Variants in PAAF1 observed in about 807,000 individuals in gnomAD.
PAAF1 encodes proteasomal ATPase-associated factor 1.
A neutral mutation model predicts 52.8 loss-of-function variants in PAAF1; 46 were observed. That is an observed-to-expected ratio of 0.87 (90% CI 0.69 to 1.11). The LOEUF is 1.11. PAAF1 is among the 50% of genes most tolerant of loss of function. The pLI is 0.00. For synonymous variants in PAAF1, 178 were observed against 172.8 expected (o/e 1.03, Z -0.24); for missense variants, 424 against 477.4 (o/e 0.89, Z 1.04).
intron 4 of PAAF1, among the ~76,000 whole-genome samples, chr11:73,892,912 G>A (rs1330488472): frequency 3.3e-5 from 5 of 152,110 alleles, no homozygotes; most frequent in African/African-American, 9.6e-5. Context: ...CGCCCACCTC[G>A]GCCTCCCAGA....
At chr11:73,887,555 C>A in intron 3 of PAAF1, 98 bp downstream of exon 3, 1 of 706,872 alleles carries the variant, frequency 1.4e-6, no homozygotes, top group African/African-American at 1.9e-5. Flanking sequence ...TGTATCTCCA[C>A]TTCATTTGTA....
At chr11:73,896,230 G>A (rs932296000) in intron 4 of PAAF1, among the ~76,000 whole-genome samples, 6 of 149,314 alleles carry the variant, frequency 4.0e-5, no homozygotes, top group Middle Eastern at 7.0e-3. Context: ...CCTATATATA[G>A]GTATATGTGG....
chr11:73,877,043 C>G lies in PAAF1; in HGVS notation c.22C>G (p.Gln8Glu), dbSNP rs757409908. 11 of 1,536,922 alleles carry G rather than the reference C, an allele frequency of 7.2e-6. No homozygotes were observed. In the South Asian group the frequency reaches 1.3e-4, roughly 19 times the overall value. Residue 8 changes from glutamine (Q) to glutamate (E), a missense_variant, in exon 1 of 12, where the codon CAG becomes GAG. Physicochemically the swap from Gln to Glu is conservative, Grantham distance 29. Coordinates refer to ENST00000310571, the MANE Select transcript of PAAF1 (RefSeq NM_025155.3). The stretch of plus-strand genomic sequence containing the variant: ...CGAGATGGCGGCGCCTTTGAGGATT[C>G]AGAGCGACTGGGCGCAAGCCCTCAG... MAAPLRI[Q>E]SDWAQALRKD... is the part of the protein sequence containing the mutation.
At chr11:73,898,839 A>G (rs1313878731) in intron 4 of PAAF1, among the ~76,000 whole-genome samples, 1 of 152,172 alleles carries the variant, frequency 6.6e-6, no homozygotes, top group Non-Finnish European at 1.5e-5. Context: ...AAACAAATAA[A>G]TAAATGCAAC....
At chr11:73,908,247 GTATATATATGTA>G (rs749442611) in intron 6 of PAAF1, among the ~76,000 whole-genome samples, 97 of 146,076 alleles carry the variant, frequency 6.6e-4, no homozygotes, top group Non-Finnish European at 1.2e-3. Context: ...ATATATATGT[GTATATATATGTA>G]TATATGTGTA....
chr11:73,895,648 AATT>A (rs1193724602), intron 4 of PAAF1, among the ~76,000 whole-genome samples: 1 of 152,174 alleles, frequency 6.6e-6, no homozygotes, highest in African/African-American at 2.4e-5. Context: ...CTTATGTGGG[AATT>A]ATTGTTGCTG....
At position 73,924,640 on chromosome 11, in the gene PAAF1, G is replaced by C. The variant is rs972376515; in HGVS notation, c.1044G>C (p.Gln348His). 1 of 1,613,980 alleles carries C rather than the reference G, an allele frequency of 6.2e-7. No individual in the cohort carries two copies. The change falls in exon 11 of 12, where the codon CAG becomes CAC. Residue 348 changes from glutamine (Q) to histidine (H), a missense_variant. Transcript: ENST00000310571. ...SQGDGSCFIV[Q>H]QDLDYVTELT... ...GTGATGGAAGCTGTTTTATTGTCCAGCAAGACTTAGACTATGTCACTGAGC... is the reference window on the plus strand; with the variant it reads ...GTGATGGAAGCTGTTTTATTGTCCACCAAGACTTAGACTATGTCACTGAGC...
At chr11:73,894,123 A>G (rs905501665) in intron 4 of PAAF1, among the ~76,000 whole-genome samples, 2 of 151,968 alleles carry the variant, frequency 1.3e-5, no homozygotes, top group Admixed American at 6.6e-5. Flanking sequence ...ATTTTTTATT[A>G]TTTTCTGCTT....
At chr11:73,878,948 G>C (rs563728418) in intron 2 of PAAF1, 129 bp downstream of exon 2, 27 of 721,118 alleles carry the variant, frequency 3.7e-5, no homozygotes, top group Non-Finnish European at 5.8e-5. Context: ...TGACCAGTCT[G>C]TACTGTATGG....
intron 6 of PAAF1, among the ~76,000 whole-genome samples, chr11:73,907,748 G>A (rs1388130933): frequency 6.6e-6 from 1 of 152,188 alleles, no homozygotes; most frequent in Non-Finnish European, 1.5e-5. Context: ...CATGGGGGAG[G>A]GGAAGTAACA....
At chr11:73,902,052 A>G (rs553570259) in intron 6 of PAAF1, among the ~76,000 whole-genome samples, 9 of 151,098 alleles carry the variant, frequency 6.0e-5, no homozygotes, top group African/African-American at 2.2e-4. Flanking sequence ...TTTAGTAGAG[A>G]TGGGGTTTCG....
In PAAF1 at chr11:73,909,384, T is replaced by G. The variant is rs1385261422; in HGVS notation, c.533-15T>G. 1.2e-6 allele frequency: 2 copies of G among 1,612,904 alleles called. No individual in the cohort carries two copies. The highest frequency in any genetic ancestry group is 1.3e-5 in the African/African-American group (1 of 74,818). ...ACTCCATCCTCCATCTTAGGGAGTTTTTTTCTCTTGCTAGGTATCCTGGAT... is the reference window on the plus strand; with the variant it reads ...ACTCCATCCTCCATCTTAGGGAGTTGTTTTCTCTTGCTAGGTATCCTGGAT... On this transcript the variant is annotated splice_polypyrimidine_tract_variant and intron_variant, in intron 6 of 11. Transcript: ENST00000310571.
At chr11:73,913,919 G>A (rs1230445112) in intron 7 of PAAF1, among the ~76,000 whole-genome samples, 1 of 152,046 alleles carries the variant, frequency 6.6e-6, no homozygotes, top group African/African-American at 2.4e-5. Context: ...GCCATGGTGT[G>A]CACACCTGTA....
chr11:73,900,921 G>T (rs1949588888), intron 6 of PAAF1, among the ~76,000 whole-genome samples: 1 of 137,682 alleles, frequency 7.3e-6, no homozygotes, highest in Admixed American at 8.2e-5. Context: ...GGCGGAGCTT[G>T]CAGTGAGCCG....
At chr11:73,891,345 T>C in intron 4 of PAAF1, 144 bp downstream of exon 4, 1 of 566,582 alleles carries the variant, frequency 1.8e-6, no homozygotes, top group Non-Finnish European at 3.1e-6. Flanking sequence ...TGATGAAGTC[T>C]GATGTGTTTG....
intron 1 of PAAF1, 130 bp downstream of exon 1, chr11:73,877,198 C>G (rs1002020737): frequency 2.6e-5 from 25 of 973,998 alleles, no homozygotes; most frequent in Non-Finnish European, 3.4e-5. Context: ...ATGGAGGGAA[C>G]AGGGTCCGGA....
At chr11:73,902,269 T>G (rs1034065492) in intron 6 of PAAF1, among the ~76,000 whole-genome samples, 3 of 152,202 alleles carry the variant, frequency 2.0e-5, no homozygotes, top group Non-Finnish European at 4.4e-5. Context: ...ACTTCCATGA[T>G]GTAAGAAAAC....
intron 6 of PAAF1, among the ~76,000 whole-genome samples, chr11:73,904,634 A>AT (rs1036270965): frequency 1.1e-4 from 16 of 150,570 alleles, no homozygotes; most frequent in Admixed American, 6.7e-4. Context: ...TTCAAGGCTT[A>AT]TTTTTTTTTC....
chr11:73,881,092 C>G (rs1026705644), intron 2 of PAAF1, among the ~76,000 whole-genome samples: 1 of 152,162 alleles, frequency 6.6e-6, no homozygotes, highest in Non-Finnish European at 1.5e-5. Flanking sequence ...TTCACCTTCT[C>G]TTTATTAGTC....
Sources: gnomAD v4.1 joint callset for allele counts (sites outside exome capture counted in the v4.1 genomes callset) on GRCh38, gnomAD v4.1.1 for gene constraint, MANE v1.5 for transcripts, NCBI Gene and HGNC (gene_info 2026-07-23, HGNC 2026-07-21) for gene names.